PELI1: variants seen among roughly 807,000 people sequenced by gnomAD.
PELI1 encodes the protein E3 ubiquitin-protein ligase pellino homolog 1.
In PELI1, 15 loss-of-function variants were observed where a neutral mutation model predicts 41.3. The observed-to-expected ratio is 0.36, with a 90% CI of 0.24 to 0.56. PELI1 has a LOEUF of 0.56. PELI1 is among the 20% of genes least tolerant of loss of function. The pLI is 0.82. For missense variants in PELI1, 403 were observed against 525.5 expected (o/e 0.77, Z 2.28); for synonymous variants, 178 against 180.1 (o/e 0.99, Z 0.09).
At chr2:64,139,408 T>A (rs1278152843) in intron 1 of PELI1, among the ~76,000 whole-genome samples, 11 of 152,106 alleles carry the variant, frequency 7.2e-5, no homozygotes, top group Admixed American at 7.2e-4. Context: ...CAGGCTTAAG[T>A]GATCTTCCCA....
chr2:64,134,795 C>A lies in PELI1; in HGVS notation c.-70+9286G>T, dbSNP rs573997974. ...TACTACGGATAGTATCTGCCAAGAA[C>A]CAGGAATTCAACATTAAAGTTTTGA... is the stretch of plus-strand genomic sequence containing the variant. On this transcript the variant is annotated intron_variant, in intron 1 of 6. Coordinates refer to ENST00000358912, the MANE Select transcript of PELI1 (RefSeq NM_020651.4). Among the ~76,000 whole-genome samples, 3 of 152,182 alleles carry A rather than the reference C, an allele frequency of 2.0e-5. No homozygotes were observed. The South Asian group carries it at 6.2e-4, about 32-fold the overall frequency.
In PELI1 at chr2:64,093,415, A is replaced by G. The variant is rs192014730; in HGVS notation, c.*1287T>C. On this transcript the variant is annotated 3_prime_UTR_variant, in exon 7 of 7. Transcript: ENST00000358912. ...TCAAAAAAAGATTTGATGTAGTGCA[A>G]CTGTCTATACTTGTGGTGCCTTTGA... 1 of 152,802 alleles carries G rather than the reference A, an allele frequency of 6.5e-6. No homozygotes were observed. Among genetic ancestry groups the G allele is most frequent in the Admixed American group, 6.5e-5 (1 of 15,302 alleles). The allele number at this position is 152,802 out of a possible 1,614,324, so 9.5% of individuals were successfully genotyped here.
intron 1 of PELI1, among the ~76,000 whole-genome samples, chr2:64,110,679 A>G (rs2103695444): frequency 6.6e-6 from 1 of 152,224 alleles, no homozygotes; most frequent in South Asian, 2.1e-4. Flanking sequence ...TAAAGGAAAT[A>G]GTTCAGAAAG....
intron 1 of PELI1, among the ~76,000 whole-genome samples, chr2:64,115,388 C>T (rs1046634290): frequency 4.6e-5 from 7 of 152,170 alleles, no homozygotes; most frequent in Non-Finnish European, 5.9e-5. Flanking sequence ...TTTGAATCAA[C>T]CTTGGGGTAA....
chr2:64,101,909 C>A (rs1251275787), intron 3 of PELI1, among the ~76,000 whole-genome samples: 5 of 147,320 alleles, frequency 3.4e-5, no homozygotes. Context: ...CTCACTGTAA[C>A]CTCCGCCTCC....
At chr2:64,128,361 T>C (rs1294151413) in intron 1 of PELI1, among the ~76,000 whole-genome samples, 2 of 151,834 alleles carry the variant, frequency 1.3e-5, no homozygotes, top group Non-Finnish European at 2.9e-5. Context: ...TTTTCAATCA[T>C]GTAATAATAA....
chr2:64,127,558 C>T (rs546152738), intron 1 of PELI1, among the ~76,000 whole-genome samples: 4 of 152,210 alleles, frequency 2.6e-5, no homozygotes, highest in Admixed American at 2.6e-4. Context: ...AGGTTTTTAA[C>T]ATTGATGAAT....
chr2:64,106,982 C>T (rs973670382), intron 2 of PELI1, among the ~76,000 whole-genome samples: 3 of 152,108 alleles, frequency 2.0e-5, no homozygotes, highest in Middle Eastern at 3.2e-3. Flanking sequence ...GGTTGGAGTG[C>T]AGTGGCGCTG....
chr2:64,140,454 C>T (rs1014719968), intron 1 of PELI1, among the ~76,000 whole-genome samples: 24 of 151,900 alleles, frequency 1.6e-4, no homozygotes, highest in African/African-American at 5.3e-4. Context: ...TACAACATTC[C>T]GAAAAATTGT....
At position 64,135,266 on chromosome 2, in the gene PELI1, T is replaced by G. The variant is rs139735813; in HGVS notation, c.-70+8815A>C. ...CAGGATTAACTCAATGAGTTTGAGT[T>G]TAAACTCAAACTGTTTCCTACTGTT... On this transcript the variant is annotated intron_variant, in intron 1 of 6. Transcript: ENST00000358912. Among the ~76,000 whole-genome samples, 149 of 152,248 alleles carry G rather than the reference T, an allele frequency of 9.8e-4. 1 individual carries two copies. The highest frequency in any genetic ancestry group is 6.8e-3 in the Middle Eastern group (2 of 294).
In PELI1 at chr2:64,094,008, G is replaced by GA. The variant is rs1257939517; in HGVS notation, c.*693dup. The GA allele has an allele frequency of 3.9e-5, 6 of 152,548 alleles. No homozygotes were observed. Among genetic ancestry groups the GA allele is most frequent in the East Asian group, 1.9e-4 (1 of 5,200 alleles). The allele number at this position is 152,548 out of a possible 1,614,324, so 9.4% of individuals were successfully genotyped here. A position where few individuals can be genotyped will look rare whatever the true frequency, so the allele number is the denominator to read the frequency against. On this transcript the variant is annotated 3_prime_UTR_variant, in exon 7 of 7. Coordinates refer to ENST00000358912, the MANE Select transcript of PELI1 (RefSeq NM_020651.4). ...GTACTACGCTCGAGAGAAACATTAAGAAAAAATCTTTCCTGATTATCTTCA... is the reference window on the plus strand; with the variant it reads ...GTACTACGCTCGAGAGAAACATTAAGAAAAAAATCTTTCCTGATTATCTTCA...
At chr2:64,131,323 T>C (rs201566464) in intron 1 of PELI1, among the ~76,000 whole-genome samples, 23 of 151,906 alleles carry the variant, frequency 1.5e-4, no homozygotes, top group African/African-American at 3.9e-4. Flanking sequence ...TATACACACA[T>C]ATATATATAC....
Position 64,094,866 on chromosome 2 carries a change from T to G in PELI1, c.1093A>C (p.Ser365Arg). 6.2e-7 allele frequency: 1 copy of G among 1,614,210 alleles called. No homozygotes were observed. The highest frequency in any genetic ancestry group is 1.7e-5 in the Admixed American group (1 of 60,018). ...TCTGAACACACATGCCCACACGGGC[T>G]AAACGCATGGGTTGGAGGGCCGGCG... ...VDAGPPTHAF[S>R]PCGHVCSEKT... Residue 365 changes from serine (S) to arginine (R), a missense_variant, in exon 7 of 7, where the codon AGC becomes CGC. Coordinates refer to ENST00000358912, the MANE Select transcript of PELI1 (RefSeq NM_020651.4).
intron 1 of PELI1, among the ~76,000 whole-genome samples, chr2:64,108,774 T>C (rs941462704): frequency 2.0e-5 from 3 of 152,134 alleles, no homozygotes; most frequent in African/African-American, 7.2e-5. Flanking sequence ...TTGCCTAATA[T>C]ATCCCAGACT....
Position 64,093,622 on chromosome 2 carries a change from C to G in PELI1, c.*1080G>C, listed in dbSNP as rs1029307504. 1.1e-4 allele frequency: 17 copies of G among 152,612 alleles called. No individual in the cohort carries two copies. Among genetic ancestry groups the G allele is most frequent in the African/African-American group, 4.1e-4 (17 of 41,436 alleles). The allele number at this position is 152,612 out of a possible 1,614,324, so 9.5% of individuals were successfully genotyped here. A position where few individuals can be genotyped will look rare whatever the true frequency, so the allele number is the denominator to read the frequency against. On this transcript the variant is annotated 3_prime_UTR_variant, in exon 7 of 7. Transcript: ENST00000358912. ...GTGGCAATCTCCTTAGGATTCAAAC[C>G]CAGAGTTAAGGCTGGTCTGCTAAAA...
At chr2:64,140,125 C>T (rs1317103624) in intron 1 of PELI1, among the ~76,000 whole-genome samples, 5 of 152,140 alleles carry the variant, frequency 3.3e-5, no homozygotes, top group African/African-American at 9.6e-5. Context: ...GGTGGGAAAC[C>T]GCGGGTATTA....
intron 2 of PELI1, among the ~76,000 whole-genome samples, chr2:64,107,011 C>T (rs1680644158): frequency 6.6e-6 from 1 of 152,144 alleles, no homozygotes; most frequent in African/African-American, 2.4e-5. Context: ...TCACTGCAAC[C>T]TCCTCCTCCT....
intron 1 of PELI1, among the ~76,000 whole-genome samples, chr2:64,124,820 T>A (rs1309587521): frequency 6.6e-6 from 1 of 152,112 alleles, no homozygotes; most frequent in Non-Finnish European, 1.5e-5. Context: ...TTATCTACCT[T>A]TAGTGTCAGA....
intron 1 of PELI1, among the ~76,000 whole-genome samples, chr2:64,115,488 T>C (rs1365421087): frequency 1.3e-5 from 2 of 152,172 alleles, no homozygotes; most frequent in Admixed American, 1.3e-4. Flanking sequence ...CCCTGTGAAT[T>C]GGGTAGGAAA....
Sources: gnomAD v4.1 joint callset for allele counts (sites outside exome capture counted in the v4.1 genomes callset) on GRCh38, gnomAD v4.1.1 for gene constraint, MANE v1.5 for transcripts, NCBI Gene and HGNC (gene_info 2026-07-23, HGNC 2026-07-21) for gene names.